Variants in SDHAF4 observed in about 807,000 individuals in gnomAD.
SDHAF4 encodes the protein succinate dehydrogenase assembly factor 4, mitochondrial.
A neutral mutation model predicts 14.3 loss-of-function variants in SDHAF4; 14 were observed. The observed-to-expected ratio is 0.98, with a 90% CI of 0.65 to 1.53. The LOEUF (loss-of-function observed/expected upper bound fraction) is 1.53, where lower values mean the gene tolerates loss of function less well. SDHAF4 is among the 40% of genes most tolerant of loss of function. SDHAF4 has a pLI of 0.00. For missense variants in SDHAF4, 141 were observed against 129.3 expected, an observed-to-expected ratio of 1.09 and a Z score of -0.44; for synonymous variants, 63 against 47.3, an observed-to-expected ratio of 1.33 and a Z score of -1.36.
chr6:70,568,089 T>G (rs1438089816), intron 1 of SDHAF4, among the ~76,000 whole-genome samples: 1 of 152,228 alleles, frequency 6.6e-6, no homozygotes, highest in Non-Finnish European at 1.5e-5. Flanking sequence ...TTTGTTTTCC[T>G]TTGTGCAATC....
chr6:70,586,890 C>T lies in SDHAF4; in HGVS notation c.218-1725C>T, dbSNP rs998360479. ...GTTTAAGAATTAGGGGCCAGGCGGC[C>T]GGGCACAGTGGCTCACGCCTGTAAC... On this transcript the variant is annotated intron_variant, in intron 2 of 2. Coordinates refer to ENST00000370474, the MANE Select transcript of SDHAF4 (RefSeq NM_145267.3). Among the ~76,000 whole-genome samples the T allele has an allele frequency of 5.3e-5, 8 of 152,122 alleles. No homozygotes were observed. In the South Asian group the frequency reaches 8.3e-4, roughly 16 times the overall value.
chr6:70,595,136 T>C, the SDHAF4 span, among the ~76,000 whole-genome samples: 1 of 152,218 alleles, frequency 6.6e-6, no homozygotes, highest in Non-Finnish European at 1.5e-5. Flanking sequence ...TCTGGAATAA[T>C]GGAAGGACAG....
intron 1 of SDHAF4, among the ~76,000 whole-genome samples, chr6:70,575,856 A>G (rs993165549): frequency 6.6e-6 from 1 of 151,208 alleles, no homozygotes. Flanking sequence ...TTGAAGTAGA[A>G]GAGATGGGCT....
intron 1 of SDHAF4, among the ~76,000 whole-genome samples, chr6:70,576,310 G>A (rs1417984667): frequency 6.6e-6 from 1 of 152,236 alleles, no homozygotes; most frequent in Non-Finnish European, 1.5e-5. Context: ...AACGGCCTCA[G>A]AGTCCCTTGA....
In SDHAF4 at chr6:70,579,469, G is replaced by C; in HGVS notation, c.120G>C (p.Lys40Asn). 1.9e-6 allele frequency: 3 copies of C among 1,610,974 alleles called. No homozygotes were observed. The highest frequency in any genetic ancestry group is 2.5e-6 in the Non-Finnish European group (3 of 1,178,338). ...AAACAAGTTCTTCTCAAGGAGGAAA[G>C]TCTGAACTTGTCAAACAGTCCCTTA... Reference protein sequence around the residue: ...LRKTSSSQGGKSELVKQSLKK... With the variant: ...LRKTSSSQGGNSELVKQSLKK... The change falls in exon 2 of 3, where the codon AAG becomes AAC. Residue 40 changes from lysine (K) to asparagine (N), a missense_variant. Physicochemically the swap from Lys to Asn is moderately conservative, Grantham distance 94. Transcript: ENST00000370474.
intron 1 of SDHAF4, among the ~76,000 whole-genome samples, chr6:70,574,380 G>A (rs1442918704): frequency 6.6e-6 from 1 of 151,988 alleles, no homozygotes; most frequent in Non-Finnish European, 1.5e-5. Flanking sequence ...CTAGTGTGTA[G>A]TTAGGCCTAA....
chr6:70,597,990 A>T, the SDHAF4 span, among the ~76,000 whole-genome samples: 1 of 152,252 alleles, frequency 6.6e-6, no homozygotes. Flanking sequence ...AATGAATATG[A>T]GGGCATGTGT....
chr6:70,583,452 G>T (rs1021927037), intron 2 of SDHAF4, among the ~76,000 whole-genome samples: 1 of 152,130 alleles, frequency 6.6e-6, no homozygotes, highest in Admixed American at 6.5e-5. Context: ...GGTGTGGTGA[G>T]GAGACATTTC....
chr6:70,594,913 A>AG, the SDHAF4 span, among the ~76,000 whole-genome samples: 2 of 129,170 alleles, frequency 1.5e-5, no homozygotes, highest in African/African-American at 2.9e-5. Context: ...ACTCCATCTC[A>AG]GAAAAAAAAA....
intron 1 of SDHAF4, among the ~76,000 whole-genome samples, chr6:70,568,816 G>T (rs571026939): frequency 2.0e-5 from 3 of 152,066 alleles, no homozygotes; most frequent in Admixed American, 6.5e-5. Context: ...CAAACTTGCC[G>T]AAACTTAATT....
the SDHAF4 span, among the ~76,000 whole-genome samples, chr6:70,594,978 G>A: frequency 3.3e-5 from 5 of 151,726 alleles, no homozygotes; most frequent in Non-Finnish European, 5.9e-5. Flanking sequence ...ATAAGCAACA[G>A]AAAATGGACT....
intron 1 of SDHAF4, 27 bp from the exon 2 acceptor site, chr6:70,579,387 A>G (rs374509264): frequency 1.0e-5 from 15 of 1,434,210 alleles, no homozygotes; most frequent in Non-Finnish European, 1.4e-5. Context: ...AACAGCTCCT[A>G]TTTTTCTATT....
chr6:70,568,392 AGTCTCTATTGCCAAGGAG>A (rs1802132033), intron 1 of SDHAF4, among the ~76,000 whole-genome samples: 1 of 152,248 alleles, frequency 6.6e-6, no homozygotes, highest in Non-Finnish European at 1.5e-5. Context: ...TTTAAGAAAT[AGTCTCTATTGCCAAGGAG>A]GTCTCTATTT....
At chr6:70,571,605 G>A (rs115459462) in intron 1 of SDHAF4, among the ~76,000 whole-genome samples, 4,763 of 152,186 alleles carry the variant, frequency 0.031, 170 homozygotes, top group African/African-American at 0.09. Context: ...GAGCCACCGC[G>A]CCCAGCCTTC....
chr6:70,577,544 C>T (rs751082333), intron 1 of SDHAF4, among the ~76,000 whole-genome samples: 14 of 152,134 alleles, frequency 9.2e-5, no homozygotes, highest in Non-Finnish European at 1.9e-4. Context: ...ATTGCAGACA[C>T]CCAGTACATT....
chr6:70,590,162 G>A (rs528273294), downstream of SDHAF4, among the ~76,000 whole-genome samples: 108 of 152,098 alleles, frequency 7.1e-4, no homozygotes, highest in Non-Finnish European at 1.2e-3. Context: ...CACTTGAACC[G>A]GGGAGGCAGA....
At chr6:70,597,299 A>ATTTTTTTTTTTTTTTT in the SDHAF4 span, among the ~76,000 whole-genome samples, 63 of 108,070 alleles carry the variant, frequency 5.8e-4, no homozygotes, top group African/African-American at 9.0e-4. Flanking sequence ...CGCCTGGCTA[A>ATTTTTTTTTTTTTTTT]TTTTTTTTTT....
intron 1 of SDHAF4, among the ~76,000 whole-genome samples, chr6:70,568,345 A>G (rs939230463): frequency 1.3e-5 from 2 of 152,218 alleles, no homozygotes; most frequent in Non-Finnish European, 1.5e-5. Context: ...CATGTAAGCT[A>G]TGAAGCACAA....
intron 1 of SDHAF4, among the ~76,000 whole-genome samples, chr6:70,576,373 C>T (rs1458453802): frequency 6.6e-6 from 1 of 152,226 alleles, no homozygotes; most frequent in African/African-American, 2.4e-5. Context: ...CAGATAAAGT[C>T]CTTCAGAAGT....
Sources: allele counts gnomAD v4.1 joint callset (sites outside exome capture counted in the v4.1 genomes callset), GRCh38; gene constraint gnomAD v4.1.1; transcripts MANE v1.5; gene names NCBI Gene and HGNC (gene_info 2026-07-23, HGNC 2026-07-21).